The following MTMR8 variants were observed in gnomAD, a reference collection of about 807,000 sequenced individuals.
MTMR8 encodes the protein myotubularin related protein 8, also known as phosphatidylinositol-3,5-bisphosphate 3-phosphatase MTMR8.
Under a neutral mutation model 39.3 loss-of-function variants are expected in MTMR8, and 65 were observed. The observed-to-expected ratio is 1.65, with a 90% CI of 1.35 to 2.03. MTMR8 has a LOEUF of 2.03. Among genes scored for constraint, MTMR8 ranks in the 30% most tolerant of loss-of-function variants. The probability of loss-of-function intolerance (pLI) is 0.00; values close to 1 mark genes in which losing one functional copy is unlikely to be tolerated. For missense variants in MTMR8, 777 were observed against 538.9 expected, an observed-to-expected ratio of 1.44 and a Z score of -4.37; for synonymous variants, 245 against 185.2, an observed-to-expected ratio of 1.32 and a Z score of -2.62.
chrX:64,386,878 T>C (rs1177875141), intron 1 of MTMR8, among the ~76,000 whole-genome samples: 1 of 105,326 alleles, frequency 9.5e-6, no homozygotes, highest in Non-Finnish European at 1.9e-5. Context: ...ACCTCATATC[T>C]ACAAAAAAAA....
At chrX:64,277,408 C>T (rs1196213663) in intron 12 of MTMR8, among the ~76,000 whole-genome samples, 2 of 112,072 alleles carry the variant, frequency 1.8e-5, no homozygotes, top group Non-Finnish European at 3.8e-5. Flanking sequence ...ATGTTTAGTG[C>T]TTCCTTCAGG....
chrX:64,362,207 T>A (rs140894649), intron 1 of MTMR8, among the ~76,000 whole-genome samples: 2 of 108,801 alleles, frequency 1.8e-5, no homozygotes, highest in African/African-American at 6.7e-5. Context: ...TCTATGCTCT[T>A]GGATAGGCCA....
chrX:64,348,007 A>G (rs1463292817), intron 6 of MTMR8, among the ~76,000 whole-genome samples: 3 of 112,138 alleles, frequency 2.7e-5, no homozygotes, highest in Non-Finnish European at 5.6e-5. Context: ...GACTAGGTCT[A>G]TCCATGTCCA....
intron 12 of MTMR8, among the ~76,000 whole-genome samples, chrX:64,271,401 A>T (rs1397239181): frequency 8.9e-6 from 1 of 112,145 alleles, no homozygotes; most frequent in Non-Finnish European, 1.9e-5. Flanking sequence ...CATCAGCAAG[A>T]TGGCAGAATA....
rs147262363 is a variant in MTMR8, at chrX:64,311,187, G to A, written c.1481+17585C>T. ...GTTGTATCCTGACTTTTTAATGTTC[G>A]CCATTCTAATTGGTGTGAGATGGTA... On this transcript the variant is annotated intron_variant, in intron 12 of 13. Transcript: ENST00000374852. 2.2e-3 allele frequency among the ~76,000 whole-genome samples: 247 copies of A among 111,288 alleles called. 2 individuals are homozygous for A. The East Asian group carries it at 0.038, about 17-fold the overall frequency.
rs377185512 is a variant in MTMR8, at chrX:64,268,803, C to T, written c.1849G>A (p.Gly617Ser). The T allele has an allele frequency of 3.3e-6, 4 of 1,211,582 alleles. No homozygotes were observed. The highest frequency in any genetic ancestry group is 1.8e-5 in the South Asian group (1 of 56,969). ...DLHHNCCEIV[G>S]SLRAINISGD... ...GAGATATTTATGGCCCTAAGGCTGC[C>T]CACAATCTCACAACAGTTATGGTGG... The change falls in exon 14 of 14, where the codon GGC becomes AGC. Residue 617 changes from glycine to serine, a missense_variant. Transcript: ENST00000374852.
At chrX:64,335,351 C>T (rs1254344423) in intron 10 of MTMR8, among the ~76,000 whole-genome samples, 8 of 111,430 alleles carry the variant, frequency 7.2e-5, no homozygotes, top group African/African-American at 1.3e-4. Context: ...AGGCTGGTCT[C>T]GAACTCCTGA....
intron 12 of MTMR8, among the ~76,000 whole-genome samples, chrX:64,314,607 G>T (rs1025226177): frequency 1.8e-5 from 2 of 113,213 alleles, no homozygotes; most frequent in African/African-American, 6.4e-5. Context: ...TACAGCAGCG[G>T]TGGAGGGTAG....
chrX:64,302,094 C>T (rs768148264), intron 12 of MTMR8, among the ~76,000 whole-genome samples: 24 of 112,841 alleles, frequency 2.1e-4, no homozygotes, highest in South Asian at 3.6e-4. Context: ...TTGGCTCCAC[C>T]CAGTTCGAGC....
intron 12 of MTMR8, among the ~76,000 whole-genome samples, chrX:64,300,217 G>A (rs1301895694): frequency 9.2e-6 from 1 of 109,217 alleles, no homozygotes; most frequent in South Asian, 4.1e-4. Context: ...GGGAGTCTAA[G>A]TCTCTTTGTA....
intron 13 of MTMR8, 35 bp downstream of exon 13, chrX:64,270,912 G>A: frequency 8.3e-7 from 1 of 1,198,417 alleles, no homozygotes; most frequent in Non-Finnish European, 1.1e-6. Context: ...CCCAGAAGGG[G>A]CAAGAAGATC....
chrX:64,331,493 G>C, intron 11 of MTMR8, 64 bp downstream of exon 11: 1 of 1,023,672 alleles, frequency 9.8e-7, no homozygotes, highest in Non-Finnish European at 1.4e-6. Flanking sequence ...CAGGGTGGTA[G>C]GTACATTCTT....
At chrX:64,289,361 T>C (rs1026383385) in intron 12 of MTMR8, among the ~76,000 whole-genome samples, 1 of 111,003 alleles carries the variant, frequency 9.0e-6, no homozygotes, top group Non-Finnish European at 1.9e-5. Context: ...TAAAACACTA[T>C]GGTGCTTCCT....
intron 12 of MTMR8, among the ~76,000 whole-genome samples, chrX:64,276,691 T>C (rs1286004561): frequency 8.9e-6 from 1 of 111,785 alleles, no homozygotes; most frequent in Admixed American, 9.5e-5. Flanking sequence ...AGGAGTGTTT[T>C]ACTTCCAATT....
intron 12 of MTMR8, among the ~76,000 whole-genome samples, chrX:64,287,370 A>G (rs1475364696): frequency 9.2e-4 from 102 of 111,460 alleles, no homozygotes; most frequent in African/African-American, 2.9e-3. Flanking sequence ...ACTCAATATC[A>G]TGAAAATGGC....
chrX:64,290,417 T>A lies in MTMR8; in HGVS notation c.1482-19344A>T, dbSNP rs781249042. ...ACATTTATTACCATCTCTGACCAGA[T>A]GCACATTAAACATTTTGTATATATA... is the stretch of plus-strand genomic sequence containing the variant. On this transcript the variant is annotated intron_variant, in intron 12 of 13. Coordinates refer to ENST00000374852, the MANE Select transcript of MTMR8 (RefSeq NM_017677.4). Among the ~76,000 whole-genome samples, 5 of 110,647 alleles carry A rather than the reference T, an allele frequency of 4.5e-5. No homozygotes were observed. In the Admixed American group the frequency reaches 4.8e-4, roughly 11 times the overall value.
chrX:64,379,862 A>G (rs1235112128), intron 1 of MTMR8, among the ~76,000 whole-genome samples: 3 of 111,623 alleles, frequency 2.7e-5, no homozygotes, highest in Non-Finnish European at 5.6e-5. Flanking sequence ...CCAGGTATGT[A>G]ATGTTGGTTC....
At chrX:64,298,213 A>C (rs1921697790) in intron 12 of MTMR8, among the ~76,000 whole-genome samples, 1 of 104,012 alleles carries the variant, frequency 9.6e-6, no homozygotes, top group Non-Finnish European at 2.0e-5. Context: ...CCTACCCATG[A>C]GCGTGGAATG....
intron 1 of MTMR8, among the ~76,000 whole-genome samples, chrX:64,394,017 A>G (rs1924759637): frequency 8.9e-6 from 1 of 112,220 alleles, no homozygotes; most frequent in Admixed American, 9.4e-5. Context: ...CAATTTACCA[A>G]AGAGGTTTAT....
Sources: allele counts gnomAD v4.1 joint callset (sites outside exome capture counted in the v4.1 genomes callset), GRCh38; gene constraint gnomAD v4.1.1; transcripts MANE v1.5; gene names NCBI Gene and HGNC (gene_info 2026-07-23, HGNC 2026-07-21).